SIAH3: variants seen among roughly 807,000 people sequenced by gnomAD.
SIAH3 encodes the protein seven in absentia homolog 3.
Under a neutral mutation model 12.6 loss-of-function variants are expected in SIAH3, and 9 were observed. The observed-to-expected ratio is 0.72, with a 90% CI of 0.43 to 1.25. The LOEUF (loss-of-function observed/expected upper bound fraction) is 1.25. Ranked by LOEUF, SIAH3 falls within the 50% of genes most tolerant of loss-of-function variation. The pLI, the probability that SIAH3 is intolerant of heterozygous loss-of-function variation, is 0.00. For missense variants in SIAH3, 390 were observed against 365.4 expected, an observed-to-expected ratio of 1.07 and a Z score of -0.55; for synonymous variants, 154 against 151.1, an observed-to-expected ratio of 1.02 and a Z score of -0.14.
intron 1 of SIAH3, among the ~76,000 whole-genome samples, chr13:45,851,100 A>C (rs1396233287): frequency 6.9e-6 from 1 of 145,926 alleles, no homozygotes; most frequent in Non-Finnish European, 1.5e-5. Context: ...CTCCCAACAC[A>C]TGGGACAGAG....
At chr13:45,807,800 G>A (rs1208553563) in intron 1 of SIAH3, among the ~76,000 whole-genome samples, 1 of 152,182 alleles carries the variant, frequency 6.6e-6, no homozygotes, top group Non-Finnish European at 1.5e-5. Context: ...CATATGCCCA[G>A]TAGTGTATTA....
intron 1 of SIAH3, among the ~76,000 whole-genome samples, chr13:45,805,330 A>G (rs957237624): frequency 1.3e-4 from 20 of 152,208 alleles, no homozygotes; most frequent in African/African-American, 4.6e-4. Context: ...TTCAAACTAT[A>G]CTACAAAGCT....
intron 1 of SIAH3, among the ~76,000 whole-genome samples, chr13:45,792,207 T>TG (rs907229281): frequency 2.0e-5 from 3 of 151,920 alleles, no homozygotes; most frequent in Non-Finnish European, 4.4e-5. Flanking sequence ...TTTCAGGGGT[T>TG]GGGGTATAAG....
chr13:45,785,116 C>A lies in SIAH3; in HGVS notation c.136-1059G>T, dbSNP rs141971343. On this transcript the variant is annotated intron_variant, in intron 1 of 1. Coordinates refer to ENST00000400405, the MANE Select transcript of SIAH3 (RefSeq NM_198849.3). ...AGACTGGGATTCATCTTCACGCCCC[C>A]TGACTCTGAACACAAGAGCACACCC... Among the ~76,000 whole-genome samples the A allele has an allele frequency of 2.6e-5, 4 of 152,338 alleles. No homozygotes were observed. In the East Asian group the frequency reaches 7.7e-4, roughly 29 times the overall value.
At chr13:45,824,734 G>C (rs1417893541) in intron 1 of SIAH3, among the ~76,000 whole-genome samples, 1 of 152,052 alleles carries the variant, frequency 6.6e-6, no homozygotes, top group African/African-American at 2.4e-5. Flanking sequence ...ATCGGAGTTG[G>C]AAAAATCCAG....
At chr13:45,835,416 C>G (rs886290197) in intron 1 of SIAH3, among the ~76,000 whole-genome samples, 5 of 152,136 alleles carry the variant, frequency 3.3e-5, no homozygotes, top group Admixed American at 3.3e-4. Context: ...CTCCTCACAT[C>G]TAGTAATGAT....
In SIAH3 at chr13:45,827,824, A is replaced by G. The variant is rs572845819; in HGVS notation, c.135+23671T>C. ...CTCTACCAATAAAGTTTTTAATTTT[A>G]TCTTTCCAGCCAACCTCTGTCTTTC... On this transcript the variant is annotated intron_variant, in intron 1 of 1. Transcript: ENST00000400405. Among the ~76,000 whole-genome samples the G allele has an allele frequency of 7.2e-4, 109 of 152,308 alleles. 1 individual carries two copies. Among genetic ancestry groups the G allele is most frequent in the African/African-American group, 2.6e-3 (107 of 41,574 alleles).
intron 1 of SIAH3, among the ~76,000 whole-genome samples, chr13:45,841,882 T>C (rs1950741416): frequency 6.6e-6 from 1 of 152,170 alleles, no homozygotes. Context: ...TCCAGCTGGT[T>C]TATACCTTGG....
intron 1 of SIAH3, among the ~76,000 whole-genome samples, chr13:45,850,052 A>G (rs1950774015): frequency 6.6e-6 from 1 of 152,340 alleles, no homozygotes; most frequent in Admixed American, 6.5e-5. Flanking sequence ...AAAAGAAAAA[A>G]AGAAATAGTG....
intron 1 of SIAH3, among the ~76,000 whole-genome samples, chr13:45,847,440 C>T (rs2137587182): frequency 6.6e-6 from 1 of 152,318 alleles, no homozygotes; most frequent in South Asian, 2.1e-4. Flanking sequence ...TCCTCCTCTT[C>T]CTTACAGCTC....
chr13:45,790,787 T>A (rs1458932393), intron 1 of SIAH3, among the ~76,000 whole-genome samples: 1 of 152,232 alleles, frequency 6.6e-6, no homozygotes, highest in Admixed American at 6.5e-5. Context: ...TCAGCTGCCG[T>A]AAGACAGGAA....
chr13:45,847,582 A>T (rs1950764582), intron 1 of SIAH3, among the ~76,000 whole-genome samples: 1 of 151,624 alleles, frequency 6.6e-6, no homozygotes, highest in Admixed American at 6.6e-5. Context: ...GGGCACTTAA[A>T]GCCACGATTG....
rs757265681 is a variant in SIAH3, at chr13:45,851,721, C to G, written c.-92G>C. The stretch of plus-strand genomic sequence containing the variant: ...AAGGAGCGCAGCCTCTGAGACACTC[C>G]GCTCCAGCCCGGCTTAGCGCGCCTT... On this transcript the variant is annotated 5_prime_UTR_variant, in exon 1 of 2. Transcript: ENST00000400405. The G allele has an allele frequency of 2.7e-5, 41 of 1,522,352 alleles. No individual in the cohort carries two copies. The highest frequency in any genetic ancestry group is 3.6e-5 in the Non-Finnish European group (40 of 1,113,776). 94.3% of individuals were successfully genotyped at this position (1,522,352 alleles called of 1,614,324 possible).
chr13:45,815,911 A>G (rs1950632930), intron 1 of SIAH3, among the ~76,000 whole-genome samples: 1 of 152,226 alleles, frequency 6.6e-6, no homozygotes, highest in Non-Finnish European at 1.5e-5. Context: ...AACAAAAATC[A>G]CAGCAAATTG....
intron 1 of SIAH3, among the ~76,000 whole-genome samples, chr13:45,812,102 C>G (rs1251867303): frequency 2.0e-5 from 3 of 152,206 alleles, no homozygotes; most frequent in Non-Finnish European, 2.9e-5. Context: ...ACAAGTGAGT[C>G]ATGTTTGGAA....
At chr13:45,831,008 G>A (rs1437560207) in intron 1 of SIAH3, among the ~76,000 whole-genome samples, 1 of 151,812 alleles carries the variant, frequency 6.6e-6, no homozygotes, top group East Asian at 1.9e-4. Flanking sequence ...GCGAAACCCC[G>A]TCTTTACTAA....
chr13:45,788,810 G>T (rs541117720), intron 1 of SIAH3, among the ~76,000 whole-genome samples: 10 of 152,258 alleles, frequency 6.6e-5, no homozygotes, highest in African/African-American at 2.4e-4. Context: ...AGAGGATTTT[G>T]TACCCAATTT....
intron 1 of SIAH3, among the ~76,000 whole-genome samples, chr13:45,811,834 G>A (rs1480224443): frequency 4.6e-5 from 7 of 152,130 alleles, no homozygotes; most frequent in African/African-American, 1.4e-4. Context: ...CACCTCTACT[G>A]ACCTAGGGAC....
intron 1 of SIAH3, among the ~76,000 whole-genome samples, chr13:45,822,693 T>G (rs1158497962): frequency 2.6e-5 from 4 of 151,918 alleles, no homozygotes; most frequent in African/African-American, 9.7e-5. Flanking sequence ...CAGAAAAATG[T>G]TACTTGTAAA....
Sources: allele counts gnomAD v4.1 joint callset (sites outside exome capture counted in the v4.1 genomes callset), GRCh38; gene constraint gnomAD v4.1.1; transcripts MANE v1.5; gene names NCBI Gene and HGNC (gene_info 2026-07-23, HGNC 2026-07-21).